The following SNTG2 variants were observed in gnomAD, a reference collection of about 807,000 sequenced individuals.
SNTG2 encodes gamma-2-syntrophin.
SNTG2 carries 74 observed loss-of-function variants against 70.9 expected under a neutral mutation model. The observed-to-expected ratio is 1.04, with a 90% confidence interval of 0.86 to 1.27. The LOEUF is 1.27. Ranked by LOEUF, SNTG2 falls within the 50% of genes most tolerant of loss-of-function variation. The probability of loss-of-function intolerance (pLI) is 0.00; values close to 1 mark genes in which losing one functional copy is unlikely to be tolerated. For missense variants in SNTG2, 717 were observed against 690.7 expected (o/e 1.04, Z -0.43); for synonymous variants, 278 against 273.8 (o/e 1.02, Z -0.15).
intron 1 of SNTG2, among the ~76,000 whole-genome samples, chr2:1,054,821 G>A (rs911905997): frequency 2.0e-5 from 3 of 152,198 alleles, no homozygotes; most frequent in African/African-American, 7.2e-5. Context: ...AATGAAGAAA[G>A]TAAAACAGAA....
At chr2:1,070,492 C>A (rs1325723525) in intron 1 of SNTG2, among the ~76,000 whole-genome samples, 1 of 152,100 alleles carries the variant, frequency 6.6e-6, no homozygotes, top group Non-Finnish European at 1.5e-5. Context: ...ATAATACATG[C>A]TACTCATATT....
At chr2:1,246,806 G>A (rs1404451942) in intron 11 of SNTG2, among the ~76,000 whole-genome samples, 1 of 151,994 alleles carries the variant, frequency 6.6e-6, no homozygotes, top group East Asian at 1.9e-4. Flanking sequence ...TGATAGGTTG[G>A]ATTTTATATC....
At chr2:1,137,719 G>A in intron 5 of SNTG2, 49 bp from the exon 6 acceptor site, 2 of 1,613,314 alleles carry the variant, frequency 1.2e-6, no homozygotes, top group East Asian at 2.2e-5. Context: ...TTTTTAACTT[G>A]TATTAATCAA....
At chr2:1,306,865 A>G (rs73177791) in intron 14 of SNTG2, among the ~76,000 whole-genome samples, 2,878 of 151,298 alleles carry the variant, frequency 0.019, 93 homozygotes, top group African/African-American at 0.067. Context: ...TATGCCATGC[A>G]CTGTGTGTGT....
intron 1 of SNTG2, among the ~76,000 whole-genome samples, chr2:1,028,709 G>A (rs1660639284): frequency 6.7e-6 from 1 of 149,406 alleles, no homozygotes; most frequent in Admixed American, 6.7e-5. Flanking sequence ...GGTCCTCTCT[G>A]CCTCTGCATC....
intron 1 of SNTG2, among the ~76,000 whole-genome samples, chr2:1,066,488 A>G (rs1663163485): frequency 6.6e-6 from 1 of 151,872 alleles, no homozygotes; most frequent in Admixed American, 6.6e-5. Flanking sequence ...TTTTGCCGGG[A>G]TTCAGAAAGC....
At chr2:978,978 GC>G (rs1661003654) in intron 1 of SNTG2, among the ~76,000 whole-genome samples, 1 of 152,228 alleles carries the variant, frequency 6.6e-6, no homozygotes. Flanking sequence ...TGTGTTGCAG[GC>G]TCCCTGCGTT....
chr2:1,234,388 T>G (rs1222045586), intron 9 of SNTG2, among the ~76,000 whole-genome samples: 3 of 152,238 alleles, frequency 2.0e-5, no homozygotes, highest in Non-Finnish European at 4.4e-5. Flanking sequence ...TTTCTGTTCA[T>G]TTGATACTTA....
chr2:1,162,332 T>G (rs1046579434), intron 6 of SNTG2, among the ~76,000 whole-genome samples: 15 of 152,034 alleles, frequency 9.9e-5, no homozygotes, highest in African/African-American at 3.6e-4. Flanking sequence ...AACAAGGACT[T>G]CAGGCACACT....
chr2:1,222,488 G>C lies in SNTG2; in HGVS notation c.719+13258G>C, dbSNP rs587724819. 7.3e-3 allele frequency among the ~76,000 whole-genome samples: 1,021 copies of C among 139,810 alleles called. 18 individuals carry two copies. The highest frequency in any genetic ancestry group is 0.013 in the South Asian group (61 of 4,536). The allele number at this position is 139,810 out of a possible 152,430, so 91.7% of individuals were successfully genotyped here. The stretch of plus-strand genomic sequence containing the variant: ...AGGTGCTGGATCGCTGTAGAGGAAA[G>C]TGGTGCAGTGATGGAGGGCGTCTCC... On this transcript the variant is annotated intron_variant, in intron 9 of 16. Coordinates refer to ENST00000308624, the MANE Select transcript of SNTG2 (RefSeq NM_018968.4).
At chr2:1,305,304 T>G (rs1428148852) in intron 14 of SNTG2, among the ~76,000 whole-genome samples, 1 of 152,208 alleles carries the variant, frequency 6.6e-6, no homozygotes, top group Non-Finnish European at 1.5e-5. Flanking sequence ...TCTCCCTGAG[T>G]TACAGGAAAA....
intron 12 of SNTG2, 132 bp from the exon 13 acceptor site, chr2:1,259,238 A>C: frequency 1.4e-6 from 1 of 723,872 alleles, no homozygotes; most frequent in Non-Finnish European, 2.3e-6. Context: ...GTTTAATGTT[A>C]CCAATTTATA....
At chr2:1,254,082 G>A (rs1558600367) in intron 12 of SNTG2, among the ~76,000 whole-genome samples, 2 of 152,142 alleles carry the variant, frequency 1.3e-5, no homozygotes, top group Non-Finnish European at 2.9e-5. Context: ...CCAACAGTGA[G>A]GATTATAATT....
chr2:1,092,281 C>T (rs1243676556), intron 2 of SNTG2, among the ~76,000 whole-genome samples: 1 of 152,044 alleles, frequency 6.6e-6, no homozygotes, highest in Non-Finnish European at 1.5e-5. Context: ...TTTTCTAGGT[C>T]CCTCGCCTTT....
At position 1,281,090 on chromosome 2, in the gene SNTG2, G is replaced by A. The variant is rs73908819; in HGVS notation, c.1284+13519G>A. 3.7e-3 allele frequency among the ~76,000 whole-genome samples: 569 copies of A among 152,258 alleles called. 3 individuals are homozygous for A. The highest frequency in any genetic ancestry group is 0.013 in the African/African-American group (555 of 41,566). On this transcript the variant is annotated intron_variant, in intron 14 of 16. Coordinates refer to ENST00000308624, the MANE Select transcript of SNTG2 (RefSeq NM_018968.4). ...CTTAGGGGTGAGTGTGATAAATGCTGAAGGGTCTTGAAACTGGGAATTCAT... is the reference window on the plus strand; with the variant it reads ...CTTAGGGGTGAGTGTGATAAATGCTAAAGGGTCTTGAAACTGGGAATTCAT...
chr2:1,244,557 G>A lies in SNTG2; in HGVS notation c.889-2770G>A, dbSNP rs952481438. Among the ~76,000 whole-genome samples the A allele has an allele frequency of 2.0e-5, 3 of 152,082 alleles. No homozygotes were observed. The East Asian group carries it at 5.8e-4, about 29-fold the overall frequency. On this transcript the variant is annotated intron_variant, in intron 11 of 16. Coordinates refer to ENST00000308624, the MANE Select transcript of SNTG2 (RefSeq NM_018968.4). ...TAAAAATACAAAAAATTAGCAGGGC[G>A]TGGTGGCGGGCGCCTCTGGTCCCAG...
chr2:1,330,219 A>G (rs1484196142), intron 16 of SNTG2, among the ~76,000 whole-genome samples: 2 of 152,232 alleles, frequency 1.3e-5, no homozygotes, highest in East Asian at 3.8e-4. Context: ...AGGATTATAC[A>G]TGGGTCCCCT....
chr2:1,162,934 G>A (rs1260393705), intron 6 of SNTG2, among the ~76,000 whole-genome samples: 5 of 152,178 alleles, frequency 3.3e-5, no homozygotes, highest in Non-Finnish European at 7.3e-5. Flanking sequence ...GTCTCACAAG[G>A]GTGCACTTGT....
In SNTG2 at chr2:1,356,808, T is replaced by G. The variant is rs370808977; in HGVS notation, c.1489-10535T>G. 1.8e-4 allele frequency among the ~76,000 whole-genome samples: 28 copies of G among 152,344 alleles called. 1 individual carries two copies. Among genetic ancestry groups the G allele is most frequent in the Middle Eastern group, 6.8e-3 (2 of 294 alleles). On this transcript the variant is annotated intron_variant, in intron 16 of 16. Coordinates refer to ENST00000308624, the MANE Select transcript of SNTG2 (RefSeq NM_018968.4). ...AGACTTACAATTCATTAACGTGGTT[T>G]TTTTTATTTACTTGTGTCTTTAATT...
Sources: allele counts gnomAD v4.1 joint callset (sites outside exome capture counted in the v4.1 genomes callset), GRCh38; gene constraint gnomAD v4.1.1; transcripts MANE v1.5; gene names NCBI Gene and HGNC (gene_info 2026-07-23, HGNC 2026-07-21).